Variants in FNDC3B observed in about 807,000 individuals in gnomAD.
FNDC3B encodes fibronectin type III domain containing 3B.
In FNDC3B, 12 loss-of-function variants were observed where a neutral mutation model predicts 151.5. That is an observed-to-expected ratio of 0.08 (90% CI 0.05 to 0.13). FNDC3B has a LOEUF of 0.13. Among genes scored for constraint, FNDC3B ranks in the 10% least tolerant of loss-of-function variants. FNDC3B has a pLI of 1.00. For missense variants in FNDC3B, 1,214 were observed against 1,505.3 expected, an observed-to-expected ratio of 0.81 and a Z score of 3.20; for synonymous variants, 528 against 549.0, an observed-to-expected ratio of 0.96 and a Z score of 0.54.
chr3:172,179,633 A>G (rs1417641428), intron 3 of FNDC3B, among the ~76,000 whole-genome samples: 2 of 151,710 alleles, frequency 1.3e-5, no homozygotes, highest in African/African-American at 2.4e-5. Context: ...TGTAATTCCA[A>G]TACTTCGATA....
chr3:172,133,274 G>A (rs536689246), intron 2 of FNDC3B, among the ~76,000 whole-genome samples, 197 bp from the exon 3 acceptor site: 2 of 152,220 alleles, frequency 1.3e-5, no homozygotes, highest in Non-Finnish European at 2.9e-5. Flanking sequence ...CAACACAGGA[G>A]AATTCACTTA....
chr3:172,322,271 C>G (rs1354529886), intron 11 of FNDC3B, among the ~76,000 whole-genome samples: 1 of 152,204 alleles, frequency 6.6e-6, no homozygotes, highest in African/African-American at 2.4e-5. Context: ...TGGACTGGAC[C>G]TATCTGGGGC....
At chr3:172,091,873 G>GGGGTGTGTGTGTGTGTGT (rs1553760105) in intron 1 of FNDC3B, among the ~76,000 whole-genome samples, 28 of 124,758 alleles carry the variant, frequency 2.2e-4, no homozygotes, top group Non-Finnish European at 3.3e-4. Context: ...ACTTTACTGG[G>GGGGTGTGTGTGTGTGTGT]GTGTGTGTGT....
At chr3:172,147,779 C>T (rs577340133) in intron 3 of FNDC3B, among the ~76,000 whole-genome samples, 20 of 151,236 alleles carry the variant, frequency 1.3e-4, no homozygotes, top group African/African-American at 1.9e-4. Flanking sequence ...TGGAGATCGT[C>T]GGGGTTGGTG....
At chr3:172,332,391 T>C (rs1175441026) in intron 13 of FNDC3B, among the ~76,000 whole-genome samples, 1 of 152,200 alleles carries the variant, frequency 6.6e-6, no homozygotes, top group Non-Finnish European at 1.5e-5. Context: ...CTACCTAGCT[T>C]TAGTTTTTGT....
chr3:172,070,993 A>G (rs926888762), intron 1 of FNDC3B, among the ~76,000 whole-genome samples: 2 of 152,218 alleles, frequency 1.3e-5, no homozygotes, highest in Non-Finnish European at 2.9e-5. Flanking sequence ...TGCAATTTCT[A>G]ACTAATCAGC....
chr3:172,262,685 T>C (rs1275054519), intron 6 of FNDC3B, among the ~76,000 whole-genome samples: 1 of 151,696 alleles, frequency 6.6e-6, no homozygotes, highest in Non-Finnish European at 1.5e-5. Flanking sequence ...AGAGGATTGC[T>C]TGAGCCCAGG....
chr3:172,243,937 C>T (rs1275424109), intron 4 of FNDC3B, among the ~76,000 whole-genome samples: 2 of 152,288 alleles, frequency 1.3e-5, no homozygotes, highest in Non-Finnish European at 2.9e-5. Flanking sequence ...TTCCAAGGCT[C>T]TATGCTTCTC....
At position 172,334,530 on chromosome 3, in the gene FNDC3B, CCTCCCAGGTTCAAGGGATT is replaced by C. The variant is rs1318226609; in HGVS notation, c.1642-409_1642-391del. On this transcript the variant is annotated intron_variant, in intron 14 of 25. Transcript: ENST00000415807. Reference sequence around the variant, plus strand: ...TGATCTTGGCTCACCGCAACCTCTGCCTCCCAGGTTCAAGGGATTCTCCTGCCTCAGCCTCCCGAGTAGC... The same window carrying C: ...TGATCTTGGCTCACCGCAACCTCTGCCTCCTGCCTCAGCCTCCCGAGTAGC... Among the ~76,000 whole-genome samples, 4 of 152,186 alleles carry C rather than the reference CCTCCCAGGTTCAAGGGATT, an allele frequency of 2.6e-5. No individual in the cohort carries two copies. In the East Asian group the frequency reaches 7.7e-4, roughly 29 times the overall value.
intron 12 of FNDC3B, chr3:172,330,285 A>G (rs1317295273): frequency 1.1e-5 from 4 of 357,052 alleles, no homozygotes; most frequent in Middle Eastern, 7.0e-4. Flanking sequence ...CTCAAGATGC[A>G]GAACCCAAGG....
intron 11 of FNDC3B, 146 bp downstream of exon 11, chr3:172,311,027 C>A: frequency 1.6e-6 from 1 of 642,516 alleles, no homozygotes; most frequent in Non-Finnish European, 2.8e-6. Flanking sequence ...TAGTTATTGA[C>A]TATGGAAAAT....
intron 3 of FNDC3B, among the ~76,000 whole-genome samples, chr3:172,146,598 CAAG>C (rs747618554): frequency 1.3e-5 from 2 of 152,144 alleles, no homozygotes; most frequent in South Asian, 2.1e-4. Context: ...CAGGACAGCT[CAAG>C]AAATTCTTGC....
intron 25 of FNDC3B, among the ~76,000 whole-genome samples, chr3:172,395,067 A>G (rs1736207015): frequency 6.6e-6 from 1 of 152,222 alleles, no homozygotes; most frequent in Admixed American, 6.5e-5. Context: ...TTCAGTTCTA[A>G]ATAGCAATAA....
rs561942609 is a variant in FNDC3B, at chr3:172,289,366, C to T, written c.849+3382C>T. Among the ~76,000 whole-genome samples the T allele has an allele frequency of 5.9e-5, 9 of 152,168 alleles. No homozygotes were observed. In the East Asian group the frequency reaches 1.2e-3, roughly 20 times the overall value. On this transcript the variant is annotated intron_variant, in intron 7 of 25. Transcript: ENST00000415807. ...GCCAGATAATCCAGGTTAAGTCTCC[C>T]CTTCACGAGAGCCTTAACTTGGTCA...
intron 3 of FNDC3B, among the ~76,000 whole-genome samples, chr3:172,154,719 A>G (rs1209173648): frequency 6.6e-6 from 1 of 152,024 alleles, no homozygotes; most frequent in Non-Finnish European, 1.5e-5. Context: ...GAAATCTACA[A>G]CCTTAATTTT....
At chr3:172,251,003 G>A (rs1427272187) in intron 5 of FNDC3B, among the ~76,000 whole-genome samples, 2 of 151,818 alleles carry the variant, frequency 1.3e-5, no homozygotes, top group African/African-American at 4.8e-5. Context: ...TTTTTAGTAG[G>A]GATGGGGTTT....
intron 12 of FNDC3B, 80 bp downstream of exon 12, chr3:172,329,156 G>GTA: frequency 6.7e-7 from 1 of 1,482,910 alleles, no homozygotes; most frequent in Non-Finnish European, 9.2e-7. Flanking sequence ...TGGAAGGCAT[G>GTA]AGGAAGCCTG....
chr3:172,393,013 C>T (rs541635522), intron 25 of FNDC3B, among the ~76,000 whole-genome samples: 10 of 151,764 alleles, frequency 6.6e-5, no homozygotes, highest in South Asian at 2.1e-4. Flanking sequence ...ATGTTGGTCA[C>T]GCTGGTCTTG....
chr3:172,336,628 C>T (rs573103144), intron 15 of FNDC3B, among the ~76,000 whole-genome samples: 27 of 152,290 alleles, frequency 1.8e-4, no homozygotes, highest in African/African-American at 6.0e-4. Flanking sequence ...TGGCCGGGCA[C>T]GGTGGCTCAT....
Sources: allele counts gnomAD v4.1 joint callset (sites outside exome capture counted in the v4.1 genomes callset), GRCh38; gene constraint gnomAD v4.1.1; transcripts MANE v1.5; gene names NCBI Gene and HGNC (gene_info 2026-07-23, HGNC 2026-07-21).